The following NEDD9 variants were observed in gnomAD, a reference collection of about 807,000 sequenced individuals.
The protein encoded by NEDD9 is neural precursor cell expressed, developmentally down-regulated 9.
A neutral mutation model predicts 76.6 loss-of-function variants in NEDD9; 26 were observed. The observed-to-expected ratio is 0.34, with a 90% CI of 0.25 to 0.47. NEDD9 has a LOEUF of 0.47. NEDD9 is among the 20% of genes least tolerant of loss of function. The pLI, the probability that NEDD9 is intolerant of heterozygous loss-of-function variation, is 1.00. For missense variants in NEDD9, 937 were observed against 1,058.5 expected (o/e 0.89, Z 1.59); for synonymous variants, 392 against 414.2 (o/e 0.95, Z 0.65).
intron 3 of NEDD9, among the ~76,000 whole-genome samples, chr6:11,291,714 A>G (rs1350960934): frequency 6.6e-6 from 1 of 152,226 alleles, no homozygotes; most frequent in Non-Finnish European, 1.5e-5. Context: ...ATAGGGTTGC[A>G]TAGTTTCAGT....
chr6:11,192,006 A>T (rs1758156408), intron 4 of NEDD9, among the ~76,000 whole-genome samples: 1 of 152,162 alleles, frequency 6.6e-6, no homozygotes. Context: ...CCCTGTCTCA[A>T]ACAAAATGTA....
chr6:11,316,310 C>G (rs956897711), intron 2 of NEDD9, among the ~76,000 whole-genome samples: 16 of 152,170 alleles, frequency 1.1e-4, no homozygotes, highest in African/African-American at 3.6e-4. Context: ...TCTAGAGTTC[C>G]CCAGCTCAGA....
In NEDD9 at chr6:11,203,577, G is replaced by A. The variant is rs181363451; in HGVS notation, c.459+9704C>T. Among the ~76,000 whole-genome samples, 111 of 152,310 alleles carry A rather than the reference G, an allele frequency of 7.3e-4. 1 individual carries two copies. Among genetic ancestry groups the A allele is most frequent in the Admixed American group, 1.9e-3 (29 of 15,300 alleles). On this transcript the variant is annotated intron_variant, in intron 2 of 6. Transcript: ENST00000379446. ...GGTGCCAGCTCTGAAGGTGGTTGTCGTGTCCAGAGACAACAGGCCTAAAAC... is the reference window on the plus strand; with the variant it reads ...GGTGCCAGCTCTGAAGGTGGTTGTCATGTCCAGAGACAACAGGCCTAAAAC...
intron 3 of NEDD9, chr6:11,248,933 G>C: frequency 2.8e-6 from 1 of 362,786 alleles, no homozygotes; most frequent in South Asian, 2.1e-5. Context: ...ATTGAATAGT[G>C]ATGTTCCTTA....
intron 4 of NEDD9, among the ~76,000 whole-genome samples, chr6:11,191,845 A>G (rs1758152793): frequency 6.6e-6 from 1 of 152,154 alleles, no homozygotes; most frequent in South Asian, 2.1e-4. Flanking sequence ...CGTCTCTACA[A>G]AAAATAAAAT....
Position 11,204,740 on chromosome 6 carries a change from AAG to A in NEDD9, c.459+8539_459+8540del, listed in dbSNP as rs1227691916. Among the ~76,000 whole-genome samples, 135 of 149,902 alleles carry A rather than the reference AAG, an allele frequency of 9.0e-4. 1 individual carries two copies. The highest frequency in any genetic ancestry group is 1.6e-3 in the East Asian group (8 of 5,108). ...GTCTCAAAAAAAAAAAAAAAAAAGAAAGAAAGAAAGAAAAGAAAAGGAAAGAA... is the reference window on the plus strand; with the variant it reads ...GTCTCAAAAAAAAAAAAAAAAAAGAAAAAGAAAGAAAAGAAAAGGAAAGAA... On this transcript the variant is annotated intron_variant, in intron 2 of 6. Transcript: ENST00000379446.
chr6:11,333,769 C>A (rs1409714626), intron 2 of NEDD9, among the ~76,000 whole-genome samples: 1 of 152,228 alleles, frequency 6.6e-6, no homozygotes, highest in East Asian at 1.9e-4. Flanking sequence ...TCATTGCAGG[C>A]CATTTTATCC....
chr6:11,218,872 C>G lies in NEDD9; in HGVS notation c.13-5145G>C, dbSNP rs577875352. 5.3e-5 allele frequency among the ~76,000 whole-genome samples: 8 copies of G among 152,254 alleles called. No homozygotes were observed. The East Asian group carries it at 1.5e-3, about 29-fold the overall frequency. Reference sequence around the variant, plus strand: ...ATTTAAACAGGATAATGACGCAGATCGGGAGCCTGACCCCCCTGAAACTAG... The same window carrying G: ...ATTTAAACAGGATAATGACGCAGATGGGGAGCCTGACCCCCCTGAAACTAG... On this transcript the variant is annotated intron_variant, in intron 1 of 6. Coordinates refer to ENST00000379446, the MANE Select transcript of NEDD9 (RefSeq NM_006403.4).
At chr6:11,291,683 G>T (rs996650758) in intron 3 of NEDD9, among the ~76,000 whole-genome samples, 1 of 152,184 alleles carries the variant, frequency 6.6e-6, no homozygotes, top group Non-Finnish European at 1.5e-5. Flanking sequence ...ACCCAAGTGG[G>T]CGTTGGATAA....
intron 2 of NEDD9, among the ~76,000 whole-genome samples, chr6:11,202,227 C>A (rs1306818891): frequency 6.6e-6 from 1 of 152,200 alleles, no homozygotes; most frequent in African/African-American, 2.4e-5. Flanking sequence ...CTGTCTATCT[C>A]TAATTCCTCC....
intron 1 of NEDD9, among the ~76,000 whole-genome samples, chr6:11,220,099 T>C (rs1172893140): frequency 6.6e-6 from 1 of 152,192 alleles, no homozygotes; most frequent in Non-Finnish European, 1.5e-5. Flanking sequence ...TTTCACTAGG[T>C]GAGCTGAATG....
intron 1 of NEDD9, among the ~76,000 whole-genome samples, chr6:11,346,225 A>T (rs1032291711): frequency 1.3e-5 from 2 of 152,214 alleles, no homozygotes; most frequent in Non-Finnish European, 2.9e-5. Flanking sequence ...TGAATGAACA[A>T]ACATGGCTGT....
chr6:11,219,831 A>G (rs1461783291), intron 1 of NEDD9, among the ~76,000 whole-genome samples: 2 of 152,168 alleles, frequency 1.3e-5, no homozygotes, highest in East Asian at 1.9e-4. Flanking sequence ...TTCCCCAGAG[A>G]AGGAAACAGC....
chr6:11,187,202 G>A (rs1283942010), intron 6 of NEDD9, among the ~76,000 whole-genome samples: 1 of 152,130 alleles, frequency 6.6e-6, no homozygotes, highest in Non-Finnish European at 1.5e-5. Context: ...TGACATAGTT[G>A]GTTGGCCAGA....
chr6:11,267,005 C>T (rs991013219), intron 3 of NEDD9, among the ~76,000 whole-genome samples: 7 of 152,180 alleles, frequency 4.6e-5, no homozygotes, highest in Non-Finnish European at 8.8e-5. Flanking sequence ...TTGCTTCTGT[C>T]AGGTAGAGAT....
At chr6:11,220,966 C>A (rs565841781) in intron 1 of NEDD9, among the ~76,000 whole-genome samples, 1 of 152,258 alleles carries the variant, frequency 6.6e-6, no homozygotes, top group African/African-American at 2.4e-5. Context: ...TGTGTGTATA[C>A]GTGCAATGTC....
chr6:11,256,702 G>A (rs1021718676), intron 3 of NEDD9, among the ~76,000 whole-genome samples: 4 of 152,134 alleles, frequency 2.6e-5, no homozygotes, highest in Non-Finnish European at 4.4e-5. Flanking sequence ...GGCCTCAAGC[G>A]ATTCTCCTGC....
chr6:11,269,150 CCTT>C (rs1256524271), intron 3 of NEDD9, among the ~76,000 whole-genome samples: 2 of 152,178 alleles, frequency 1.3e-5, no homozygotes, highest in African/African-American at 2.4e-5. Flanking sequence ...GCAAGGTAAA[CCTT>C]CTAAGAACTT....
At position 11,232,525 on chromosome 6, in the gene NEDD9, G is replaced by A. The variant is rs753107395; in HGVS notation, c.-10C>T. On this transcript the variant is annotated 5_prime_UTR_variant, in exon 1 of 7. Transcript: ENST00000379446. ...TTACCTTATACTTCATTTCGGCAGC[G>A]GTGGGTTGAGCCGTTTTCCTACACT... The A allele has an allele frequency of 1.2e-6, 2 of 1,614,216 alleles. No homozygotes were observed. The highest frequency in any genetic ancestry group is 2.2e-5 in the South Asian group (2 of 91,088).
Sources: allele counts gnomAD v4.1 joint callset (sites outside exome capture counted in the v4.1 genomes callset), GRCh38; gene constraint gnomAD v4.1.1; transcripts MANE v1.5; gene names NCBI Gene and HGNC (gene_info 2026-07-23, HGNC 2026-07-21).